ZNF804B: variants seen among roughly 807,000 people sequenced by gnomAD.
ZNF804B encodes zinc finger protein 804B, also known as zinc finger 804B.
ZNF804B carries 80 observed loss-of-function variants against 101.4 expected under a neutral mutation model. The observed-to-expected ratio is 0.79, with a 90% CI of 0.66 to 0.95. The LOEUF is 0.95. ZNF804B is among the 40% of genes least tolerant of loss of function. ZNF804B has a pLI of 0.00. For missense variants in ZNF804B, 1,673 were observed against 1,561.9 expected, an observed-to-expected ratio of 1.07 and a Z score of -1.20; for synonymous variants, 622 against 558.8, an observed-to-expected ratio of 1.11 and a Z score of -1.59.
intron 1 of ZNF804B, among the ~76,000 whole-genome samples, chr7:88,912,128 G>T (rs76639272): frequency 1.2e-3 from 183 of 151,886 alleles, no homozygotes; most frequent in African/African-American, 4.2e-3. Context: ...GTACTATTTT[G>T]CACTCTCATC....
At chr7:89,252,715 A>G (rs1789561646) in intron 2 of ZNF804B, among the ~76,000 whole-genome samples, 1 of 152,226 alleles carries the variant, frequency 6.6e-6, no homozygotes, top group Non-Finnish European at 1.5e-5. Flanking sequence ...TAAAAGAATG[A>G]AATCTTGTTC....
intron 2 of ZNF804B, among the ~76,000 whole-genome samples, chr7:89,259,581 A>G (rs144889927): frequency 1.3e-5 from 2 of 152,166 alleles, no homozygotes; most frequent in South Asian, 2.1e-4. Context: ...ATAGAATGCC[A>G]TGTGTAATGA....
At chr7:88,928,420 G>A (rs1425599714) in intron 1 of ZNF804B, among the ~76,000 whole-genome samples, 2 of 152,130 alleles carry the variant, frequency 1.3e-5, no homozygotes, top group Admixed American at 1.3e-4. Context: ...TACCAGCTGT[G>A]CAAGCAATAA....
At chr7:88,910,493 A>C (rs1289199520) in intron 1 of ZNF804B, among the ~76,000 whole-genome samples, 5 of 151,922 alleles carry the variant, frequency 3.3e-5, no homozygotes, top group African/African-American at 7.2e-5. Context: ...TAAATATTTT[A>C]ACCATCAAAT....
At chr7:89,226,296 A>G (rs1789087788) in intron 2 of ZNF804B, among the ~76,000 whole-genome samples, 1 of 152,128 alleles carries the variant, frequency 6.6e-6, no homozygotes, top group African/African-American at 2.4e-5. Context: ...TGAATTTCAA[A>G]TATTTATGTA....
intron 1 of ZNF804B, among the ~76,000 whole-genome samples, chr7:88,962,703 A>G (rs1365052177): frequency 9.0e-6 from 1 of 111,262 alleles, no homozygotes; most frequent in African/African-American, 3.3e-5. Context: ...ATGTTGTTAA[A>G]CTCACATATA....
intron 1 of ZNF804B, among the ~76,000 whole-genome samples, chr7:88,921,369 C>T (rs1332390683): frequency 2.6e-5 from 4 of 152,058 alleles, no homozygotes; most frequent in East Asian, 1.9e-4. Flanking sequence ...TCCCGAGGTC[C>T]GTCCTTTCAT....
In ZNF804B at chr7:89,327,350, A is replaced by G; in HGVS notation, c.256A>G (p.Lys86Glu). 1 of 1,597,258 alleles carries G rather than the reference A, an allele frequency of 6.3e-7. No individual in the cohort carries two copies. Among genetic ancestry groups the G allele is most frequent in the Non-Finnish European group, 8.5e-7 (1 of 1,174,932 alleles). ...SYDHAHKQRL[K>E]ELKQREFARN... ...GTTTTTCTTCTTTTTCAAGAGACTGAAAGAATTAAAGCAACGGGAATTTGC... is the reference window on the plus strand; with the variant it reads ...GTTTTTCTTCTTTTTCAAGAGACTGGAAGAATTAAAGCAACGGGAATTTGC... The change falls in exon 3 of 4, where the codon AAA becomes GAA. Residue 86 changes from lysine (K) to glutamate (E), a missense_variant. Transcript: ENST00000333190.
intron 1 of ZNF804B, among the ~76,000 whole-genome samples, chr7:89,093,627 C>T (rs559117139): frequency 2.0e-5 from 3 of 152,276 alleles, no homozygotes; most frequent in South Asian, 2.1e-4. Flanking sequence ...CCTGTTTGTA[C>T]GATTATCTTA....
chr7:89,171,231 T>C (rs1584030329), intron 1 of ZNF804B, among the ~76,000 whole-genome samples: 1 of 152,188 alleles, frequency 6.6e-6, no homozygotes, highest in East Asian at 1.9e-4. Context: ...TTATGTCTAT[T>C]ACCTTATTTG....
At chr7:89,062,577 GTTTCCTGA>G (rs1481636651) in intron 1 of ZNF804B, among the ~76,000 whole-genome samples, 1 of 151,920 alleles carries the variant, frequency 6.6e-6, no homozygotes, top group African/African-American at 2.4e-5. Flanking sequence ...TATTATTTTT[GTTTCCTGA>G]TACTTAAAGT....
At position 88,899,645 on chromosome 7, in the gene ZNF804B, C is replaced by G. The variant is rs372613789; in HGVS notation, c.108+139561C>G. 5.9e-5 allele frequency among the ~76,000 whole-genome samples: 9 copies of G among 152,182 alleles called. No homozygotes were observed. The East Asian group carries it at 1.5e-3, about 26-fold the overall frequency. ...ATTATTTGCTTTTTTGTTTAAAAGC[C>G]CTTTTTTACTTCTCATTACTTCTGG... is the stretch of plus-strand genomic sequence containing the variant. On this transcript the variant is annotated intron_variant, in intron 1 of 3. Transcript: ENST00000333190.
At chr7:89,126,640 A>C (rs562032131) in intron 1 of ZNF804B, among the ~76,000 whole-genome samples, 2 of 151,886 alleles carry the variant, frequency 1.3e-5, no homozygotes, top group South Asian at 2.1e-4. Flanking sequence ...TTTTTGAATT[A>C]TGGTATTTGT....
chr7:88,796,971 T>A (rs1429366805), intron 1 of ZNF804B, among the ~76,000 whole-genome samples: 2 of 152,016 alleles, frequency 1.3e-5, no homozygotes, highest in East Asian at 3.9e-4. Context: ...GCACAGAAAA[T>A]TCTCAAATTA....
chr7:89,037,435 T>C (rs1367694782), intron 1 of ZNF804B, among the ~76,000 whole-genome samples: 2 of 151,960 alleles, frequency 1.3e-5, no homozygotes, highest in Non-Finnish European at 2.9e-5. Context: ...AATATAAACT[T>C]AAAATTTGAG....
intron 1 of ZNF804B, among the ~76,000 whole-genome samples, chr7:89,090,343 G>GA (rs1789865111): frequency 6.6e-6 from 1 of 151,852 alleles, no homozygotes; most frequent in Non-Finnish European, 1.5e-5. Flanking sequence ...TAAAATGCTA[G>GA]AAAAAAATGT....
At chr7:89,211,505 A>G (rs545393133) in intron 1 of ZNF804B, among the ~76,000 whole-genome samples, 3 of 152,276 alleles carry the variant, frequency 2.0e-5, no homozygotes, top group South Asian at 4.1e-4. Flanking sequence ...TGGGTTTTAT[A>G]TATAAGTCCT....
intron 1 of ZNF804B, among the ~76,000 whole-genome samples, chr7:88,919,308 A>G (rs1792684874): frequency 6.6e-6 from 1 of 152,188 alleles, no homozygotes; most frequent in African/African-American, 2.4e-5. Flanking sequence ...GTAATATGAA[A>G]CTGATTCATT....
rs574596627 is a variant in ZNF804B, at chr7:88,915,917, C to G, written c.108+155833C>G. ...GTTGTGAAAGAATTTGTTCCCTATACTACAAAAGGTTTAGTTAAGTCATAT... is the reference window on the plus strand; with the variant it reads ...GTTGTGAAAGAATTTGTTCCCTATAGTACAAAAGGTTTAGTTAAGTCATAT... On this transcript the variant is annotated intron_variant, in intron 1 of 3. Coordinates refer to ENST00000333190, the MANE Select transcript of ZNF804B (RefSeq NM_181646.5). Among the ~76,000 whole-genome samples, 6 of 151,902 alleles carry G rather than the reference C, an allele frequency of 3.9e-5. No individual in the cohort carries two copies. In the East Asian group the frequency reaches 1.2e-3, roughly 29 times the overall value.
Sources: gnomAD v4.1 joint callset for allele counts (sites outside exome capture counted in the v4.1 genomes callset) on GRCh38, gnomAD v4.1.1 for gene constraint, MANE v1.5 for transcripts, NCBI Gene and HGNC (gene_info 2026-07-23, HGNC 2026-07-21) for gene names.